CNBD1: variants seen among roughly 807,000 people sequenced by gnomAD.
The protein encoded by CNBD1 is cyclic nucleotide binding domain containing 1.
Under a neutral mutation model 54.4 loss-of-function variants are expected in CNBD1, and 71 were observed. That is an observed-to-expected ratio of 1.30 (90% CI 1.08 to 1.59). The LOEUF (loss-of-function observed/expected upper bound fraction) is 1.59. Ranked by LOEUF, CNBD1 falls within the 40% of genes most tolerant of loss-of-function variation. The pLI, the probability that CNBD1 is intolerant of heterozygous loss-of-function variation, is 0.00. For missense variants in CNBD1, 659 were observed against 518.0 expected (o/e 1.27, Z -2.64); for synonymous variants, 182 against 170.7 (o/e 1.07, Z -0.51).
At chr8:87,311,471 G>A (rs544750718) in intron 8 of CNBD1, among the ~76,000 whole-genome samples, 1 of 152,246 alleles carries the variant, frequency 6.6e-6, no homozygotes, top group Non-Finnish European at 1.5e-5. Context: ...AGGCTGCAGA[G>A]AAAAGGAAAT....
intron 10 of CNBD1, among the ~76,000 whole-genome samples, chr8:87,354,700 T>G (rs1810388888): frequency 6.6e-6 from 1 of 152,138 alleles, no homozygotes; most frequent in African/African-American, 2.4e-5. Flanking sequence ...AATGATAGTT[T>G]CCAGCTTCAT....
chr8:87,109,120 A>G (rs545209469), intron 4 of CNBD1, among the ~76,000 whole-genome samples: 14 of 152,336 alleles, frequency 9.2e-5, no homozygotes, highest in African/African-American at 2.9e-4. Context: ...ATAGGAAAAT[A>G]TCAAAGAGGT....
chr8:87,231,009 A>G (rs1442258287), intron 5 of CNBD1, among the ~76,000 whole-genome samples: 6 of 152,180 alleles, frequency 3.9e-5, no homozygotes, highest in African/African-American at 1.4e-4. Flanking sequence ...ACTTACATTC[A>G]TGGCAGACGG....
Position 87,353,739 on chromosome 8 carries a change from C to T in CNBD1, c.1256C>T (p.Thr419Ile), listed in dbSNP as rs528327856. ...GTTCCTTTCACGTGCACAATCATTA[C>T]CAAAAAAGAAGTTGAGATGGCAATC... The part of the protein sequence containing the change: ...LQVPFTCTII[T>I]KKEVEMAIIE... The change falls in exon 10 of 11, where the codon ACC becomes ATC. Residue 419 changes from threonine to isoleucine, a missense_variant. Coordinates refer to ENST00000518476, the MANE Select transcript of CNBD1 (RefSeq NM_173538.3). 9.9e-6 allele frequency: 16 copies of T among 1,610,354 alleles called. No homozygotes were observed. Among genetic ancestry groups the T allele is most frequent in the South Asian group, 5.5e-5 (5 of 90,210 alleles).
chr8:87,170,265 C>A lies in CNBD1; in HGVS notation c.432-35728C>A, dbSNP rs774766635. On this transcript the variant is annotated intron_variant, in intron 4 of 10. Transcript: ENST00000518476. ...TTGTGTGTGTTGATTTTATAACCTG[C>A]AACTTTACTAAATTTGTTTATCAGT... Among the ~76,000 whole-genome samples, 5 of 152,072 alleles carry A rather than the reference C, an allele frequency of 3.3e-5. No homozygotes were observed. In the East Asian group the frequency reaches 7.7e-4, roughly 23 times the overall value.
chr8:86,871,119 G>A (rs576521192), intron 1 of CNBD1, among the ~76,000 whole-genome samples: 25 of 152,278 alleles, frequency 1.6e-4, no homozygotes, highest in Non-Finnish European at 2.2e-4. Flanking sequence ...TTTGAGTGGC[G>A]TTTAGAAATT....
At chr8:87,025,417 G>A (rs766212148) in intron 4 of CNBD1, among the ~76,000 whole-genome samples, 8 of 152,300 alleles carry the variant, frequency 5.3e-5, no homozygotes, top group African/African-American at 1.7e-4. Flanking sequence ...CACTCTCTGC[G>A]AAGGTCTGTG....
At chr8:86,976,594 G>C (rs559658206) in intron 4 of CNBD1, among the ~76,000 whole-genome samples, 1 of 151,764 alleles carries the variant, frequency 6.6e-6, no homozygotes, top group East Asian at 1.9e-4. Flanking sequence ...AATTTTGATA[G>C]GGATTGAATT....
chr8:87,353,849 A>T lies in CNBD1; in HGVS notation c.1303+63A>T, dbSNP rs77138307. ...TATTGGATGAGTTCTTAAATTTTTT[A>T]AATTTTTTTCCTTATTAATCAGATG... On this transcript the variant is annotated intron_variant, in intron 10 of 10. Coordinates refer to ENST00000518476, the MANE Select transcript of CNBD1 (RefSeq NM_173538.3). 6,754 of 1,338,844 alleles carry T rather than the reference A, an allele frequency of 5.0e-3. 260 individuals carry two copies. In the African/African-American group the frequency reaches 0.082, roughly 16 times the overall value. The allele number at this position is 1,338,844 out of a possible 1,614,324, so 82.9% of individuals were successfully genotyped here.
intron 4 of CNBD1, among the ~76,000 whole-genome samples, chr8:86,953,688 G>A (rs1228215631): frequency 6.6e-6 from 1 of 152,000 alleles, no homozygotes; most frequent in Admixed American, 6.6e-5. Context: ...CCAACATAGT[G>A]TGACCCCTGT....
At chr8:87,211,396 T>G (rs1406529924) in intron 5 of CNBD1, among the ~76,000 whole-genome samples, 1 of 152,158 alleles carries the variant, frequency 6.6e-6, no homozygotes. Flanking sequence ...TATTTTGGAA[T>G]GTGAGAAGAA....
chr8:87,317,840 G>A (rs1366954773), intron 8 of CNBD1, among the ~76,000 whole-genome samples: 2 of 151,408 alleles, frequency 1.3e-5, no homozygotes, highest in Non-Finnish European at 3.0e-5. Context: ...TAGGCTCACT[G>A]AATTTGTCCC....
chr8:87,147,736 C>T (rs1303515652), intron 4 of CNBD1, among the ~76,000 whole-genome samples: 1 of 151,896 alleles, frequency 6.6e-6, no homozygotes, highest in Non-Finnish European at 1.5e-5. Context: ...TTCATAACTT[C>T]AAGAATAATA....
intron 4 of CNBD1, among the ~76,000 whole-genome samples, chr8:87,192,057 G>C (rs1813621960): frequency 6.6e-6 from 1 of 152,130 alleles, no homozygotes; most frequent in Non-Finnish European, 1.5e-5. Flanking sequence ...AACCAAGCTA[G>C]AGGGAAGAGT....
At chr8:87,228,424 G>T (rs1172544520) in intron 5 of CNBD1, among the ~76,000 whole-genome samples, 1 of 148,770 alleles carries the variant, frequency 6.7e-6, no homozygotes, top group Non-Finnish European at 1.5e-5. Flanking sequence ...TTTTTGGTGT[G>T]GATGTCCTTT....
At chr8:86,888,775 A>T (rs1231787424) in intron 2 of CNBD1, among the ~76,000 whole-genome samples, 2 of 152,188 alleles carry the variant, frequency 1.3e-5, no homozygotes, top group African/African-American at 4.8e-5. Context: ...ATGAGATGCT[A>T]ATCAAGGCTT....
At chr8:87,256,151 TGGCTGGGATTACA>T (rs1001799804) in intron 6 of CNBD1, among the ~76,000 whole-genome samples, 5 of 148,986 alleles carry the variant, frequency 3.4e-5, no homozygotes, top group Non-Finnish European at 4.5e-5. Context: ...GCCTCCCCAG[TGGCTGGGATTACA>T]GGCACACACC....
At chr8:86,882,625 C>T (rs1007492786) in intron 1 of CNBD1, among the ~76,000 whole-genome samples, 1 of 152,008 alleles carries the variant, frequency 6.6e-6, no homozygotes, top group Non-Finnish European at 1.5e-5. Context: ...TCCTCAAAGA[C>T]CTAAAGACAG....
At chr8:87,093,748 A>G (rs770881340) in intron 4 of CNBD1, among the ~76,000 whole-genome samples, 4 of 152,140 alleles carry the variant, frequency 2.6e-5, no homozygotes, top group Non-Finnish European at 5.9e-5. Context: ...GAGATCTCTC[A>G]GGGTTTCTTC....
Sources: allele counts gnomAD v4.1 joint callset (sites outside exome capture counted in the v4.1 genomes callset), GRCh38; gene constraint gnomAD v4.1.1; transcripts MANE v1.5; gene names NCBI Gene and HGNC (gene_info 2026-07-23, HGNC 2026-07-21).